PIK3R3: variants seen among roughly 807,000 people sequenced by gnomAD.
PIK3R3 encodes phosphatidylinositol 3-kinase regulatory subunit gamma.
In PIK3R3, 64 loss-of-function variants were observed where a neutral mutation model predicts 62.9. The ratio of observed to expected loss-of-function variants is 1.02; its 90% CI spans 0.83 to 1.25. PIK3R3 has a LOEUF of 1.25. Ranked by LOEUF, PIK3R3 falls within the 50% of genes most tolerant of loss-of-function variation. The pLI is 0.00. For synonymous variants in PIK3R3, 165 were observed against 189.0 expected (o/e 0.87, Z 1.04); for missense variants, 614 against 561.6 (o/e 1.09, Z -0.94).
At chr1:46,130,706 C>A (rs1028541782) in intron 1 of PIK3R3, among the ~76,000 whole-genome samples, 1 of 152,160 alleles carries the variant, frequency 6.6e-6, no homozygotes, top group Non-Finnish European at 1.5e-5. Flanking sequence ...TTATAATAAA[C>A]GAGGTTCCCC....
the PIK3R3 span, among the ~76,000 whole-genome samples, chr1:46,151,394 C>T: frequency 1.3e-5 from 2 of 152,120 alleles, no homozygotes; most frequent in African/African-American, 4.8e-5. Context: ...TATCCCTCCA[C>T]AAGAAAAAGA....
the PIK3R3 span, among the ~76,000 whole-genome samples, chr1:46,165,463 G>A: frequency 6.6e-6 from 1 of 151,556 alleles, no homozygotes. Context: ...GTGCCACCAT[G>A]CCTGGCTAAT....
At chr1:46,053,356 C>G (rs1044471219) in intron 7 of PIK3R3, among the ~76,000 whole-genome samples, 16 of 151,978 alleles carry the variant, frequency 1.1e-4, no homozygotes, top group African/African-American at 2.7e-4. Flanking sequence ...TTAGTTTATA[C>G]AACCCATTAA....
chr1:46,071,730 T>TATAGAGAG (rs1163343399), intron 3 of PIK3R3, among the ~76,000 whole-genome samples: 29 of 59,066 alleles, frequency 4.9e-4, no homozygotes, highest in African/African-American at 2.3e-3. Flanking sequence ...TATATATATA[T>TATAGAGAG]AGAGAGAGAG....
chr1:46,043,113 GT>G lies in PIK3R3; in HGVS notation c.*559del, dbSNP rs111469428. 8.8e-6 allele frequency: 2 copies of G among 227,396 alleles called. No individual in the cohort carries two copies. Among genetic ancestry groups the G allele is most frequent in the African/African-American group, 2.2e-5 (1 of 44,884 alleles). The allele number at this position is 227,396 out of a possible 1,614,324, so 14.1% of individuals were successfully genotyped here. A position where few individuals can be genotyped will look rare whatever the true frequency, so the allele number is the denominator to read the frequency against. ...AGAAACAAAATACCTTCAGTTGAAGGTTTTTTTTATCATCTTGGCTTAGATT... is the reference window on the plus strand; with the variant it reads ...AGAAACAAAATACCTTCAGTTGAAGGTTTTTTTATCATCTTGGCTTAGATT... On this transcript the variant is annotated 3_prime_UTR_variant, in exon 10 of 10. Coordinates refer to ENST00000262741, the MANE Select transcript of PIK3R3 (RefSeq NM_003629.4).
the PIK3R3 span, among the ~76,000 whole-genome samples, chr1:46,170,610 G>A: frequency 6.6e-6 from 1 of 152,102 alleles, no homozygotes; most frequent in Non-Finnish European, 1.5e-5. Context: ...TAGTAGAGAC[G>A]GGGCTTCACC....
intron 1 of PIK3R3, among the ~76,000 whole-genome samples, chr1:46,099,261 C>G (rs1381520844): frequency 6.6e-6 from 1 of 152,124 alleles, no homozygotes; most frequent in African/African-American, 2.4e-5. Flanking sequence ...AAAATACATA[C>G]ACAAAGATCA....
intron 1 of PIK3R3, among the ~76,000 whole-genome samples, chr1:46,103,676 C>T (rs560530002): frequency 9.7e-4 from 147 of 152,180 alleles, no homozygotes; most frequent in Non-Finnish European, 9.1e-4. Context: ...CTCACTGCAA[C>T]CTCCACCTCC....
intron 1 of PIK3R3, among the ~76,000 whole-genome samples, chr1:46,120,731 C>T (rs1394755766): frequency 6.6e-6 from 1 of 152,146 alleles, no homozygotes; most frequent in African/African-American, 2.4e-5. Flanking sequence ...CTCCCTCTTC[C>T]TCTTTAACAG....
chr1:46,082,238 A>C lies in PIK3R3; in HGVS notation c.107-1488T>G, dbSNP rs562335482. On this transcript the variant is annotated intron_variant, in intron 1 of 9. Coordinates refer to ENST00000262741, the MANE Select transcript of PIK3R3 (RefSeq NM_003629.4). The stretch of plus-strand genomic sequence containing the variant: ...ACATCACTTCTGTGACATTCCTGCC[A>C]AATATGTATAAACTGAATCTAATCA... 2.6e-5 allele frequency among the ~76,000 whole-genome samples: 4 copies of C among 152,322 alleles called. No individual in the cohort carries two copies. In the East Asian group the frequency reaches 7.7e-4, roughly 29 times the overall value.
intron 7 of PIK3R3, among the ~76,000 whole-genome samples, chr1:46,049,663 A>G (rs746620089): frequency 6.6e-6 from 1 of 152,246 alleles, no homozygotes; most frequent in African/African-American, 2.4e-5. Context: ...AGGGAGGCAC[A>G]AAGGACTTTG....
At chr1:46,113,731 C>T (rs776538551) in intron 1 of PIK3R3, among the ~76,000 whole-genome samples, 3 of 152,196 alleles carry the variant, frequency 2.0e-5, no homozygotes, top group African/African-American at 4.8e-5. Context: ...TATTGCTATA[C>T]TTTGACATTC....
the PIK3R3 span, among the ~76,000 whole-genome samples, chr1:46,167,357 G>C: frequency 2.1e-3 from 313 of 152,346 alleles, 4 homozygotes; most frequent in African/African-American, 7.2e-3. Flanking sequence ...ATGGGGCAGT[G>C]GGGAGGAAGC....
the PIK3R3 span, among the ~76,000 whole-genome samples, chr1:46,174,897 A>G: frequency 2.0e-5 from 3 of 151,774 alleles, no homozygotes; most frequent in East Asian, 5.8e-4. Context: ...ACCCTTCTCC[A>G]TGTTCTCCTC....
intron 1 of PIK3R3, among the ~76,000 whole-genome samples, chr1:46,130,372 C>T (rs1218517835): frequency 6.6e-6 from 1 of 152,032 alleles, no homozygotes; most frequent in Non-Finnish European, 1.5e-5. Flanking sequence ...GGGAAAGACA[C>T]AATAGATGGG....
intron 1 of PIK3R3, 34 bp downstream of exon 1, chr1:46,131,813 A>G: frequency 6.3e-7 from 1 of 1,593,176 alleles, no homozygotes; most frequent in Non-Finnish European, 8.6e-7. Context: ...AATCAGACCC[A>G]TCACGAGATT....
At chr1:46,139,989 T>G in the PIK3R3 span, among the ~76,000 whole-genome samples, 5 of 152,126 alleles carry the variant, frequency 3.3e-5, no homozygotes, top group Admixed American at 2.6e-4. Context: ...CCATCTGAAA[T>G]TTTTTTGAGG....
upstream of PIK3R3, among the ~76,000 whole-genome samples, chr1:46,133,392 TG>T (rs1473418175): frequency 6.6e-6 from 1 of 151,978 alleles, no homozygotes; most frequent in Non-Finnish European, 1.5e-5. Context: ...CTCTGCCCGG[TG>T]ATTGGCCGCG....
intron 8 of PIK3R3, 72 bp downstream of exon 8, chr1:46,046,479 C>A: frequency 1.0e-6 from 1 of 962,668 alleles, no homozygotes; most frequent in Non-Finnish European, 1.7e-6. Context: ...CAATATTTAC[C>A]ACGTATAAAC....
Sources: gnomAD v4.1 joint callset for allele counts (sites outside exome capture counted in the v4.1 genomes callset) on GRCh38, gnomAD v4.1.1 for gene constraint, MANE v1.5 for transcripts, NCBI Gene and HGNC (gene_info 2026-07-23, HGNC 2026-07-21) for gene names.